CD4: variants seen among roughly 807,000 people sequenced by gnomAD.
CD4 encodes T-cell surface glycoprotein CD4.
Under a neutral mutation model 50.5 loss-of-function variants are expected in CD4, and 25 were observed. The ratio of observed to expected loss-of-function variants is 0.49; its 90% CI spans 0.36 to 0.69. The LOEUF (loss-of-function observed/expected upper bound fraction) is 0.69. Ranked by LOEUF, CD4 falls within the 30% of genes least tolerant of loss-of-function variation. The pLI is 0.00. For missense variants in CD4, 456 were observed against 548.5 expected (o/e 0.83, Z 1.68); for synonymous variants, 207 against 221.9 (o/e 0.93, Z 0.60).
chr12:6,813,970 T>A (rs1943012897), intron 3 of CD4, 172 bp from the exon 4 acceptor site: 2 of 612,556 alleles, frequency 3.3e-6, no homozygotes, highest in African/African-American at 1.8e-5. Flanking sequence ...CCCAGCCAGG[T>A]AAATGGATAT....
intron 3 of CD4, among the ~76,000 whole-genome samples, chr12:6,808,908 T>C (rs1213795885): frequency 6.6e-6 from 1 of 152,234 alleles, no homozygotes. Context: ...GGGGCAATTT[T>C]ATAATTGAAA....
rs146686851 is a variant in CD4, at chr12:6,800,308, G to A, written c.51G>A (p.Ala17=). The A allele has an allele frequency of 1.6e-4, 251 of 1,613,772 alleles. No individual in the cohort carries two copies. In the East Asian group the frequency reaches 2.8e-3, roughly 18 times the overall value. The change falls in exon 3 of 10, where the codon GCG becomes GCA. Residue 17 remains alanine (A), a splice_region_variant and synonymous_variant. Transcript: ENST00000011653. The part of the protein sequence containing the change: ...FRHLLLVLQL[A]LLPAATQGKK... ...CTGACTCCTTTCTTTTCCACTTAGCGCTCCTCCCAGCAGCCACTCAGGGAA... is the reference window on the plus strand; with the variant it reads ...CTGACTCCTTTCTTTTCCACTTAGCACTCCTCCCAGCAGCCACTCAGGGAA...
rs1555117881 is a variant in CD4, at chr12:6,816,109, T to C, written c.661T>C (p.Phe221Leu). ...TAAGAAAGAGGGGGAACAGGTGGAG[T>C]TCTCCTTCCCACTCGCCTTTACAGT... ...VYKKEGEQVE[F>L]SFPLAFTVEK... Residue 221 changes from phenylalanine to leucine, a missense_variant, in exon 6 of 10, where the codon TTC becomes CTC. By Grantham distance (22) the Phe-to-Leu change is conservative. Coordinates refer to ENST00000011653, the MANE Select transcript of CD4 (RefSeq NM_000616.5). The surrounding 1 kb of genome is among the most constrained non-coding windows in gnomAD (Gnocchi z 4.9). 1.9e-6 allele frequency: 3 copies of C among 1,613,940 alleles called. No individual in the cohort carries two copies. In the African/African-American group the frequency reaches 4.0e-5, roughly 22 times the overall value.
At chr12:6,807,615 C>G (rs28920474) in intron 3 of CD4, among the ~76,000 whole-genome samples, 2 of 151,982 alleles carry the variant, frequency 1.3e-5, no homozygotes, top group African/African-American at 4.8e-5. Flanking sequence ...AACCTTATGG[C>G]GCCGGAAATG....
At chr12:6,808,237 G>C (rs1257091242) in intron 3 of CD4, among the ~76,000 whole-genome samples, 1 of 58,414 alleles carries the variant, frequency 1.7e-5, no homozygotes, top group Non-Finnish European at 3.3e-5. Context: ...GGTGGATCAC[G>C]AGGTCAGGAG....
Position 6,814,574 on chromosome 12 carries a change from A to T in CD4, c.374-185A>T, listed in dbSNP as rs1197255847. On this transcript the variant is annotated intron_variant, in intron 4 of 9. Coordinates refer to ENST00000011653, the MANE Select transcript of CD4 (RefSeq NM_000616.5). ...ACTGGGGAAGAGAGGATGAGGGGAG[A>T]GGAGGAAAGAAGAGAGAGAGGAGGG... 21 of 693,200 alleles carry T rather than the reference A, an allele frequency of 3.0e-5. No homozygotes were observed. The African/African-American group carries it at 3.8e-4, about 13-fold the overall frequency. 42.9% of individuals were successfully genotyped at this position (693,200 alleles called of 1,614,324 possible).
intron 3 of CD4, among the ~76,000 whole-genome samples, chr12:6,804,909 G>A (rs1483229154): frequency 6.6e-6 from 1 of 151,770 alleles, no homozygotes; most frequent in African/African-American, 2.4e-5. Flanking sequence ...CCAGCTACTC[G>A]GGAAGCTGAG....
intron 1 of CD4, among the ~76,000 whole-genome samples, chr12:6,790,035 A>C (rs1233664656): frequency 6.6e-6 from 1 of 152,138 alleles, no homozygotes; most frequent in Non-Finnish European, 1.5e-5. Flanking sequence ...AGACTGGAAG[A>C]GGGGAAAAGA....
chr12:6,816,046 C>T lies in CD4; in HGVS notation c.608-10C>T. ...CTCCTCACCCAGGGTCTCTCCCTTCCCACCTCCAGCTTTCCAGAAGGCCTC... is the reference window on the plus strand; with the variant it reads ...CTCCTCACCCAGGGTCTCTCCCTTCTCACCTCCAGCTTTCCAGAAGGCCTC... On this transcript the variant is annotated splice_polypyrimidine_tract_variant and intron_variant, in intron 5 of 9. Transcript: ENST00000011653. This position sits in a 1 kb window ranked among gnomAD's most constrained non-coding sequence, Gnocchi z 4.9. The T allele has an allele frequency of 6.2e-7, 1 of 1,614,030 alleles. No individual in the cohort carries two copies. Among genetic ancestry groups the T allele is most frequent in the Non-Finnish European group, 8.5e-7 (1 of 1,179,990 alleles).
chr12:6,817,786 CCA>C lies in CD4; in HGVS notation c.1156+460_1156+461del, dbSNP rs1245576388. Reference sequence around the variant, plus strand: ...ACTACACACACATCCACACTCACACCCACACTCTCACCCCATGTACTCACACC... The same window carrying C: ...ACTACACACACATCCACACTCACACCCACTCTCACCCCATGTACTCACACC... On this transcript the variant is annotated intron_variant, in intron 7 of 9. Coordinates refer to ENST00000011653, the MANE Select transcript of CD4 (RefSeq NM_000616.5). Among the ~76,000 whole-genome samples the C allele has an allele frequency of 2.7e-5, 4 of 147,500 alleles. No homozygotes were observed. In the South Asian group the frequency reaches 7.0e-4, roughly 26 times the overall value.
rs1459400664 is a variant in CD4 at position 6,818,561 on chromosome 12, G to C, written c.1278+19G>C. The C allele has an allele frequency of 5.6e-6, 9 of 1,611,936 alleles. No homozygotes were observed. The highest frequency in any genetic ancestry group is 7.6e-6 in the Non-Finnish European group (9 of 1,179,992). The stretch of plus-strand genomic sequence containing the variant: ...CCGAAGGGTGAGTAACCCCACACCT[G>C]GTCCCCACAAGGCCCTCAAACCCCT... On this transcript the variant is annotated intron_variant, in intron 8 of 9. Coordinates refer to ENST00000011653, the MANE Select transcript of CD4 (RefSeq NM_000616.5). This position sits in a 1 kb window ranked among gnomAD's most constrained non-coding sequence, Gnocchi z 5.0.
intron 3 of CD4, among the ~76,000 whole-genome samples, chr12:6,802,967 T>C (rs1268142076): frequency 6.6e-6 from 1 of 150,738 alleles, no homozygotes; most frequent in African/African-American, 2.4e-5. Context: ...TCTCTCGACT[T>C]CGTGATCAGC....
rs782702259 is a variant in CD4 at position 6,811,585 on chromosome 12, C to T, written c.215-2557C>T. 1.9e-3 allele frequency among the ~76,000 whole-genome samples: 287 copies of T among 148,190 alleles called. 1 individual carries two copies. Among genetic ancestry groups the T allele is most frequent in the African/African-American group, 6.5e-3 (259 of 40,076 alleles). Reference sequence around the variant, plus strand: ...TTGGCTCACTGCAATCTCCACCTCCCGGGTTCAAGCCATTCTCCTCCCTCA... The same window carrying T: ...TTGGCTCACTGCAATCTCCACCTCCTGGGTTCAAGCCATTCTCCTCCCTCA... On this transcript the variant is annotated intron_variant, in intron 3 of 9. Coordinates refer to ENST00000011653, the MANE Select transcript of CD4 (RefSeq NM_000616.5).
chr12:6,815,762 C>A, intron 5 of CD4: 7 of 1,407,124 alleles, frequency 5.0e-6, no homozygotes, highest in Non-Finnish European at 6.6e-6. Flanking sequence ...GAGTGGAGGC[C>A]AAATGGCTTC....
rs1433907493 is a variant in CD4 at position 6,818,329 on chromosome 12, C to A, written c.1157-92C>A. The A allele has an allele frequency of 1.5e-5, 23 of 1,538,168 alleles. No homozygotes were observed. The highest frequency in any genetic ancestry group is 1.9e-5 in the Non-Finnish European group (22 of 1,131,470). On this transcript the variant is annotated intron_variant, in intron 7 of 9. Transcript: ENST00000011653. This position sits in a 1 kb window ranked among gnomAD's most constrained non-coding sequence, Gnocchi z 5.0. ...CTCTCCCCCAACCCCAGGGTCAAAC[C>A]AGAGACTGGCCAGGAGGGATTGCAG...
At chr12:6,804,210 T>C (rs1465125154) in intron 3 of CD4, among the ~76,000 whole-genome samples, 2 of 151,788 alleles carry the variant, frequency 1.3e-5, no homozygotes, top group Non-Finnish European at 2.9e-5. Flanking sequence ...AGACCCACCC[T>C]ACTACAACTA....
At chr12:6,808,080 A>AC (rs2137891373) in intron 3 of CD4, among the ~76,000 whole-genome samples, 1 of 25,034 alleles carries the variant, frequency 4.0e-5, no homozygotes, top group East Asian at 1.9e-3. Flanking sequence ...GCTCTTTCTC[A>AC]AAAAAAAAAA....
chr12:6,815,857 G>A (rs1555117814), intron 5 of CD4, 199 bp from the exon 6 acceptor site: 38 of 1,512,526 alleles, frequency 2.5e-5, no homozygotes, highest in Non-Finnish European at 3.4e-5. Flanking sequence ...GAGGTGGCCT[G>A]CTGTAGGAAA....
In CD4 at chr12:6,817,298, C is replaced by T. The variant is rs202107578; in HGVS notation, c.1124C>T (p.Ser375Leu). 59 of 1,566,714 alleles carry T rather than the reference C, an allele frequency of 3.8e-5. No homozygotes were observed. Among genetic ancestry groups the T allele is most frequent in the South Asian group, 3.2e-4 (28 of 86,210 alleles). The change falls in exon 7 of 10, where the codon TCG (serine) becomes TTG (leucine). Residue 375 changes from serine to leucine, a missense_variant. Ser to Leu is a moderately radical substitution (Grantham distance 145, BLOSUM62 -2). Transcript: ENST00000011653. ...ATGTGGCAGTGTCTGCTGAGTGACT[C>T]GGGACAGGTCCTGCTGGAATCCAAC... ...AGMWQCLLSD[S>L]GQVLLESNIK...
Sources: gnomAD v4.1 joint callset for allele counts (sites outside exome capture counted in the v4.1 genomes callset) on GRCh38, gnomAD v4.1.1 for gene constraint, Gnocchi (gnomAD v3.1) non-coding constraint, MANE v1.5 for transcripts, NCBI Gene and HGNC (gene_info 2026-07-23, HGNC 2026-07-21) for gene names.